Variants in ZNF385D observed in about 807,000 individuals in gnomAD.
ZNF385D encodes zinc finger protein 385D.
Under a neutral mutation model 35.8 loss-of-function variants are expected in ZNF385D, and 15 were observed. The observed-to-expected ratio is 0.42, with a 90% CI of 0.28 to 0.64. The LOEUF (loss-of-function observed/expected upper bound fraction) is 0.64, where lower values mean the gene tolerates loss of function less well. ZNF385D is among the 30% of genes least tolerant of loss of function. The pLI, the probability that ZNF385D is intolerant of heterozygous loss-of-function variation, is 0.23. For synonymous variants in ZNF385D, 212 were observed against 186.8 expected (o/e 1.13, Z -1.10); for missense variants, 474 against 494.6 (o/e 0.96, Z 0.39).
intron 1 of ZNF385D, among the ~76,000 whole-genome samples, chr3:21,699,847 T>C (rs1022445991): frequency 1.2e-4 from 17 of 146,128 alleles, no homozygotes; most frequent in Non-Finnish European, 2.4e-4. Context: ...TTTTTTTTTT[T>C]TGAGACAAGA....
At position 22,242,032 on chromosome 3, in the gene ZNF385D, G is replaced by A. The variant is rs565210976; in HGVS notation, c.107-72997C>T. 8.7e-5 allele frequency among the ~76,000 whole-genome samples: 13 copies of A among 148,610 alleles called. No individual in the cohort carries two copies. The East Asian group carries it at 1.0e-3, about 12-fold the overall frequency. The stretch of plus-strand genomic sequence containing the variant: ...TAGGTGGGAATTGAACAATGAGATC[G>A]CATGGACACAGGAAGGGGAACATCA... On this transcript the variant is annotated intron_variant, in intron 2 of 5. Coordinates refer to the ZNF385D transcript ENST00000494108.
intron 3 of ZNF385D, among the ~76,000 whole-genome samples, chr3:22,023,328 A>G (rs151265622): frequency 5.1e-4 from 77 of 152,274 alleles, no homozygotes; most frequent in African/African-American, 1.8e-3. Context: ...TAGAGTCCAT[A>G]TGCTTTAAAC....
chr3:21,626,012 C>T (rs2065125112), intron 2 of ZNF385D, among the ~76,000 whole-genome samples: 1 of 151,960 alleles, frequency 6.6e-6, no homozygotes, highest in Non-Finnish European at 1.5e-5. Context: ...ACTGCCCTGC[C>T]TGTGAGATAA....
At chr3:22,110,615 A>G (rs1157057790) in intron 3 of ZNF385D, among the ~76,000 whole-genome samples, 1 of 151,822 alleles carries the variant, frequency 6.6e-6, no homozygotes, top group East Asian at 1.9e-4. Context: ...AGGAAGGGGA[A>G]CATCACACTC....
chr3:21,673,927 C>A (rs1478486401), intron 1 of ZNF385D, among the ~76,000 whole-genome samples: 2 of 152,044 alleles, frequency 1.3e-5, no homozygotes, highest in Non-Finnish European at 2.9e-5. Flanking sequence ...TGCAGTTAAA[C>A]CTGGCTTACT....
At chr3:21,708,277 G>C (rs73042185) in intron 1 of ZNF385D, among the ~76,000 whole-genome samples, 8,123 of 152,286 alleles carry the variant, frequency 0.053, 318 homozygotes, top group East Asian at 0.15. Context: ...TCTAGGCCTT[G>C]GGCTGGGAAC....
intron 3 of ZNF385D, among the ~76,000 whole-genome samples, chr3:22,146,016 A>C (rs575232832): frequency 2.6e-5 from 4 of 152,312 alleles, no homozygotes; most frequent in South Asian, 2.1e-4. Flanking sequence ...AAGATGAGTG[A>C]AACAGTATCT....
intron 3 of ZNF385D, among the ~76,000 whole-genome samples, chr3:22,097,922 T>C (rs1016521046): frequency 6.6e-6 from 1 of 152,018 alleles, no homozygotes; most frequent in East Asian, 1.9e-4. Flanking sequence ...GACAGTGGCA[T>C]TGTCATTTAC....
chr3:21,673,909 C>T (rs1215405674), intron 1 of ZNF385D, among the ~76,000 whole-genome samples: 1 of 152,052 alleles, frequency 6.6e-6, no homozygotes, highest in African/African-American at 2.4e-5. Flanking sequence ...TTAAACTAAG[C>T]TAATGTATGC....
chr3:22,360,536 C>T (rs1032290345), intron 2 of ZNF385D, among the ~76,000 whole-genome samples: 1 of 151,912 alleles, frequency 6.6e-6, no homozygotes, highest in Non-Finnish European at 1.5e-5. Context: ...TTAATTTTAT[C>T]ATTTCTTAGA....
At chr3:21,581,432 C>T (rs1233843003) in intron 2 of ZNF385D, among the ~76,000 whole-genome samples, 1 of 152,124 alleles carries the variant, frequency 6.6e-6, no homozygotes, top group African/African-American at 2.4e-5. Flanking sequence ...CCATCTTCTA[C>T]TGAAATAATA....
At chr3:21,920,744 C>T (rs573539049) in intron 3 of ZNF385D, among the ~76,000 whole-genome samples, 53 of 152,072 alleles carry the variant, frequency 3.5e-4, no homozygotes, top group Non-Finnish European at 5.0e-4. Context: ...CCCACACTGG[C>T]GCTCTTAAAA....
intron 3 of ZNF385D, among the ~76,000 whole-genome samples, chr3:22,005,034 A>G (rs1696106478): frequency 7.0e-6 from 1 of 142,620 alleles, no homozygotes; most frequent in African/African-American, 2.6e-5. Context: ...GGTTAATACA[A>G]GGAACTCAAA....
intron 3 of ZNF385D, among the ~76,000 whole-genome samples, chr3:22,108,306 GATT>G (rs1702330652): frequency 6.6e-6 from 1 of 151,430 alleles, no homozygotes; most frequent in Non-Finnish European, 1.5e-5. Flanking sequence ...TCGAGTGTTC[GATT>G]TTCTTGGAAG....
chr3:22,211,674 A>C (rs953253725), intron 2 of ZNF385D, among the ~76,000 whole-genome samples: 2 of 151,922 alleles, frequency 1.3e-5, no homozygotes, highest in Non-Finnish European at 2.9e-5. Context: ...AGAAAGACCA[A>C]GGGAGAGGGT....
chr3:22,150,901 T>C (rs750155338), intron 3 of ZNF385D, among the ~76,000 whole-genome samples: 1 of 152,114 alleles, frequency 6.6e-6, no homozygotes, highest in Admixed American at 6.6e-5. Flanking sequence ...CTGGGAAAAT[T>C]TATGTCATAA....
intron 3 of ZNF385D, among the ~76,000 whole-genome samples, chr3:21,944,560 A>G (rs1286907492): frequency 6.6e-6 from 1 of 152,218 alleles, no homozygotes; most frequent in Non-Finnish European, 1.5e-5. Context: ...GCAGCCTGAA[A>G]TTACGTCAAC....
intron 3 of ZNF385D, among the ~76,000 whole-genome samples, chr3:21,908,913 T>C (rs1274251881): frequency 6.6e-6 from 1 of 152,102 alleles, no homozygotes; most frequent in Non-Finnish European, 1.5e-5. Flanking sequence ...AAATTATTTT[T>C]TTCAATGTGT....
chr3:22,274,010 T>G (rs955021929), intron 2 of ZNF385D, among the ~76,000 whole-genome samples: 5 of 152,054 alleles, frequency 3.3e-5, no homozygotes, highest in Non-Finnish European at 1.5e-5. Context: ...ATACTACTCA[T>G]CAAAGAAGAG....
Sources: gnomAD v4.1 joint callset for allele counts (sites outside exome capture counted in the v4.1 genomes callset) on GRCh38, gnomAD v4.1.1 for gene constraint, MANE v1.5 for transcripts, NCBI Gene and HGNC (gene_info 2026-07-23, HGNC 2026-07-21) for gene names.